Variants in BTBD18 observed in about 807,000 individuals in gnomAD.
The protein encoded by BTBD18 is BTB/POZ domain-containing protein 18.
For missense variants in BTBD18, 787 were observed against 846.3 expected, an observed-to-expected ratio of 0.93 and a Z score of 0.87; for synonymous variants, 311 against 324.4, an observed-to-expected ratio of 0.96 and a Z score of 0.44.
Position 57,744,498 on chromosome 11 carries a change from G to A in BTBD18, c.1775C>T (p.Thr592Ile), listed in dbSNP as rs1023254314. 1 of 1,551,544 alleles carries A rather than the reference G, an allele frequency of 6.4e-7. No homozygotes were observed. The highest frequency in any genetic ancestry group is 2.4e-5 in the East Asian group (1 of 40,932). The change falls in exon 3 of 3, where the codon ACA (threonine) becomes ATA (isoleucine). Residue 592 changes from threonine to isoleucine, a missense_variant. Transcript: ENST00000422652. ...SEVLSVGGRW[T>I]PDLEITSSQP... ...GGAGCTGGTAATTTCAAGGTCTGGT[G>A]TCCAACGGCCTCCTACTGAAAGCAC...
intron 2 of BTBD18, among the ~76,000 whole-genome samples, chr11:57,748,665 T>TA (rs1361145315): frequency 6.6e-6 from 1 of 152,236 alleles, no homozygotes; most frequent in Non-Finnish European, 1.5e-5. Context: ...CTCATATTTT[T>TA]ATCTTCTCAA....
intron 2 of BTBD18, among the ~76,000 whole-genome samples, chr11:57,748,564 G>GAAA (rs71061539): frequency 6.9e-6 from 1 of 145,124 alleles, no homozygotes. Context: ...AGAAAAAAAA[G>GAAA]AAAAAAAAAA....
In BTBD18 at chr11:57,744,022, G is replaced by C. The variant is rs1430153397; in HGVS notation, c.*112C>G. 8 of 762,970 alleles carry C rather than the reference G, an allele frequency of 1.0e-5. No individual in the cohort carries two copies. The highest frequency in any genetic ancestry group is 1.7e-5 in the Non-Finnish European group (8 of 475,218). The allele number at this position is 762,970 out of a possible 1,614,324, so 47.3% of individuals were successfully genotyped here. A position where few individuals can be genotyped will look rare whatever the true frequency, so the allele number is the denominator to read the frequency against. ...GAGGAAGGGACCTACAAAGAGCCAG[G>C]GTACACCTGCCTCTTGTGCTGAGGG... is the stretch of plus-strand genomic sequence containing the variant. On this transcript the variant is annotated 3_prime_UTR_variant, in exon 3 of 3. Coordinates refer to ENST00000422652, the MANE Select transcript of BTBD18 (RefSeq NM_001145101.3).
chr11:57,744,732 A>G lies in BTBD18; in HGVS notation c.1541T>C (p.Leu514Pro), dbSNP rs1949155972. The G allele has an allele frequency of 1.3e-6, 2 of 1,551,714 alleles. No homozygotes were observed. The highest frequency in any genetic ancestry group is 1.7e-6 in the Non-Finnish European group (2 of 1,147,000). Residue 514 changes from leucine (L) to proline (P), a missense_variant, in exon 3 of 3, where the codon CTG becomes CCG. Leu to Pro is a moderately conservative substitution (Grantham distance 98). Coordinates refer to ENST00000422652, the MANE Select transcript of BTBD18 (RefSeq NM_001145101.3). ...GSDIEPPIGS[L>P]ESPGAEGCRT... ...GCAGCCCTCAGCCCCTGGACTCTCC[A>G]GAGACCCTATAGGTGGTTCAATGTC... is the stretch of plus-strand genomic sequence containing the variant.
At chr11:57,746,510 A>G (rs902528835) in intron 2 of BTBD18, among the ~76,000 whole-genome samples, 2 of 151,976 alleles carry the variant, frequency 1.3e-5, no homozygotes, top group Non-Finnish European at 2.9e-5. Context: ...TTGTATTTTT[A>G]GTAGAGACGG....
Position 57,745,548 on chromosome 11 carries a change from G to C in BTBD18, c.725C>G (p.Pro242Arg). The change falls in exon 3 of 3, where the codon CCT becomes CGT. Residue 242 changes from proline (P) to arginine (R), a missense_variant. Pro to Arg is a moderately radical substitution (Grantham distance 103). Transcript: ENST00000422652. ...RENKNDTALD[P>R]TVLSPPSLYP... is the part of the protein sequence containing the mutation. ...CAAGCTGGGTGGGGAGAGCACTGTA[G>C]GATCAAGGGCAGTGTCATTCTTGTT... 1 of 1,550,370 alleles carries C rather than the reference G, an allele frequency of 6.5e-7. No individual in the cohort carries two copies.
chr11:57,746,529 C>T (rs1190888880), intron 2 of BTBD18, among the ~76,000 whole-genome samples: 1 of 152,026 alleles, frequency 6.6e-6, no homozygotes, highest in Non-Finnish European at 1.5e-5. Flanking sequence ...GGGGTTTCAC[C>T]TTGTTGGTCA....
intron 2 of BTBD18, among the ~76,000 whole-genome samples, chr11:57,749,040 G>A (rs558212069): frequency 7.7e-4 from 117 of 152,246 alleles, no homozygotes; most frequent in Non-Finnish European, 1.4e-3. Context: ...CCTCCCACTT[G>A]TTTGTCTTTC....
chr11:57,750,031 A>G (rs1475243920), intron 2 of BTBD18, among the ~76,000 whole-genome samples: 2 of 152,166 alleles, frequency 1.3e-5, no homozygotes, highest in African/African-American at 4.8e-5. Context: ...GAAATAACCT[A>G]TACATTTTTA....
chr11:57,751,019 C>A (rs1331835537), intron 2 of BTBD18, 46 bp downstream of exon 2: 3 of 1,469,910 alleles, frequency 2.0e-6, no homozygotes, highest in Non-Finnish European at 2.7e-6. Context: ...CTCATTTTAT[C>A]TTATTCTATG....
Position 57,744,922 on chromosome 11 carries a change from C to T in BTBD18, c.1351G>A (p.Glu451Lys). The change falls in exon 3 of 3, where the codon GAA becomes AAA. Residue 451 changes from glutamate to lysine, a missense_variant. Physicochemically the swap from Glu to Lys is moderately conservative, Grantham distance 56 (BLOSUM62 1). Coordinates refer to ENST00000422652, the MANE Select transcript of BTBD18 (RefSeq NM_001145101.3). ...AACATAGGTTCCTTCTCTACCAGTT[C>T]TGGACTGGACTCAAACTCTGACTTC... ...VVKSEFESSP[E>K]LVEKEPMLAI... 6.4e-7 allele frequency: 1 copy of T among 1,551,476 alleles called. No individual in the cohort carries two copies. Among genetic ancestry groups the T allele is most frequent in the Non-Finnish European group, 8.7e-7 (1 of 1,146,870 alleles).
At chr11:57,751,033 A>T in intron 2 of BTBD18, 32 bp downstream of exon 2, 1 of 1,496,426 alleles carries the variant, frequency 6.7e-7, no homozygotes, top group African/African-American at 1.4e-5. Context: ...TTCTATGGTG[A>T]GTTTTCAGTT....
rs1353121425 is a variant in BTBD18, at chr11:57,744,164, C to T, written c.2109G>A (p.Glu703=). 1.3e-6 allele frequency: 2 copies of T among 1,550,418 alleles called. No homozygotes were observed. The highest frequency in any genetic ancestry group is 2.7e-5 in the African/African-American group (2 of 72,986). Residue 703 remains glutamate, a synonymous_variant, in exon 3 of 3, where the codon GAG becomes GAA. Coordinates refer to ENST00000422652, the MANE Select transcript of BTBD18 (RefSeq NM_001145101.3). Reference sequence around the variant, plus strand: ...TTAGTATATCTACCTCTGTTTCTGACTCTGAGGAAGGGTCAGGCCACACGG... The same window carrying T: ...TTAGTATATCTACCTCTGTTTCTGATTCTGAGGAAGGGTCAGGCCACACGG... ...VPSVWPDPSS[E]SETEVDILT is the part of the protein sequence containing the mutation.
chr11:57,745,746 A>G lies in BTBD18; in HGVS notation c.527T>C (p.Leu176Pro), dbSNP rs1284682875. The change falls in exon 3 of 3, where the codon CTT becomes CCT. Residue 176 changes from leucine to proline, a missense_variant. By Grantham distance (98) the Leu-to-Pro change is moderately conservative. Coordinates refer to ENST00000422652, the MANE Select transcript of BTBD18 (RefSeq NM_001145101.3). ...CAAGGACTTCAATCTTATTGCCCCA[A>G]GAGGACAAGGAGTTTGATTAGTGGG... Reference protein sequence around the residue: ...PLPTNQTPCPLGAIRLKSLGK... With the variant: ...PLPTNQTPCPPGAIRLKSLGK... 1 of 1,551,484 alleles carries G rather than the reference A, an allele frequency of 6.4e-7. No homozygotes were observed. The highest frequency in any genetic ancestry group is 1.4e-5 in the African/African-American group (1 of 73,002).
intron 1 of BTBD18, 108 bp from the exon 2 acceptor site, chr11:57,751,344 G>A (rs1352190879): frequency 1.8e-6 from 1 of 541,112 alleles, no homozygotes; most frequent in East Asian, 3.5e-5. Context: ...ATGAGTTGAG[G>A]AAACATCAGC....
chr11:57,750,000 C>T (rs1374200366), intron 2 of BTBD18, among the ~76,000 whole-genome samples: 3 of 152,082 alleles, frequency 2.0e-5, no homozygotes, highest in African/African-American at 7.2e-5. Flanking sequence ...ATTAACATTT[C>T]CAGTGTGAAG....
rs753344337 is a variant in BTBD18 at position 57,745,231 on chromosome 11, C to A, written c.1042G>T (p.Asp348Tyr). The change falls in exon 3 of 3, where the codon GAC (aspartate) becomes TAC (tyrosine). Residue 348 changes from aspartate (D) to tyrosine (Y), a missense_variant. Transcript: ENST00000422652. ...RSPEVRAPNS[D>Y]SAEEGQVGRV... Reference sequence around the variant, plus strand: ...CCAACCTGCCCCTCCTCTGCAGAGTCTGAGTTAGGTGCCCTGACTTCAGGG... The same window carrying A: ...CCAACCTGCCCCTCCTCTGCAGAGTATGAGTTAGGTGCCCTGACTTCAGGG... The A allele has an allele frequency of 6.4e-7, 1 of 1,551,608 alleles. No individual in the cohort carries two copies. Among genetic ancestry groups the A allele is most frequent in the African/African-American group, 1.4e-5 (1 of 73,046 alleles).
chr11:57,745,222 C>T lies in BTBD18; in HGVS notation c.1051G>A (p.Glu351Lys). 1 of 1,551,716 alleles carries T rather than the reference C, an allele frequency of 6.4e-7. No homozygotes were observed. The highest frequency in any genetic ancestry group is 1.2e-5 in the South Asian group (1 of 84,060). The change falls in exon 3 of 3, where the codon GAG (glutamate) becomes AAG (lysine). Residue 351 changes from glutamate (E) to lysine (K), a missense_variant. Physicochemically the swap from Glu to Lys is moderately conservative, Grantham distance 56 (BLOSUM62 1). Coordinates refer to ENST00000422652, the MANE Select transcript of BTBD18 (RefSeq NM_001145101.3). ...TTAACTCTCCCAACCTGCCCCTCCT[C>T]TGCAGAGTCTGAGTTAGGTGCCCTG... ...EVRAPNSDSA[E>K]EGQVGRVKLR...
intron 2 of BTBD18, among the ~76,000 whole-genome samples, chr11:57,747,972 T>C (rs1949229832): frequency 6.6e-6 from 1 of 152,224 alleles, no homozygotes; most frequent in African/African-American, 2.4e-5. Flanking sequence ...GCTAATTGTT[T>C]GTATTTTTTA....
Sources: allele counts gnomAD v4.1 joint callset (sites outside exome capture counted in the v4.1 genomes callset), GRCh38; gene constraint gnomAD v4.1.1; transcripts MANE v1.5; gene names NCBI Gene and HGNC (gene_info 2026-07-23, HGNC 2026-07-21).